Variants in RHBDD3 observed in about 807,000 individuals in gnomAD.
RHBDD3 encodes the protein rhomboid domain-containing protein 3.
In RHBDD3, 34 loss-of-function variants were observed where a neutral mutation model predicts 32.3. The ratio of observed to expected loss-of-function variants is 1.05; its 90% CI spans 0.80 to 1.40. The LOEUF is 1.40. RHBDD3 is among the 40% of genes most tolerant of loss of function. The probability of loss-of-function intolerance (pLI) is 0.00; values close to 1 mark genes in which losing one functional copy is unlikely to be tolerated. For missense variants in RHBDD3, 482 were observed against 492.6 expected, an observed-to-expected ratio of 0.98 and a Z score of 0.20; for synonymous variants, 249 against 239.1, an observed-to-expected ratio of 1.04 and a Z score of -0.38.
rs1163790639 is a variant in RHBDD3, at chr22:29,260,418, C to T, written c.891G>A (p.Leu297=). 1.9e-6 allele frequency: 3 copies of T among 1,612,240 alleles called. No homozygotes were observed. The highest frequency in any genetic ancestry group is 2.7e-5 in the African/African-American group (2 of 74,930). The change falls in exon 6 of 7, where the codon CTG becomes CTA. Residue 297 remains leucine, a synonymous_variant. Coordinates refer to ENST00000216085, the MANE Select transcript of RHBDD3 (RefSeq NM_012265.3). Reference sequence around the variant, plus strand: ...GAAGCGAGGCCTGGATGCCCTCCTGCAGCATCTGCTCATCCAAGGCCGCCC... The same window carrying T: ...GAAGCGAGGCCTGGATGCCCTCCTGTAGCATCTGCTCATCCAAGGCCGCCC... ...PMWAALDEQM[L]QEGIQASLLD... is the part of the protein sequence containing the mutation.
chr22:29,268,150 A>C (rs1267215342), upstream of RHBDD3: 9 of 690,398 alleles, frequency 1.3e-5, no homozygotes, highest in Middle Eastern at 3.8e-4. Context: ...CTCTTTAGAG[A>C]GGACTGGGAC....
chr22:29,267,414 G>C lies in RHBDD3; in HGVS notation c.-43+12C>G, dbSNP rs574938224. ...TATGAAACGGGGCAGTGCACCACCA[G>C]GCCCTGCCTACCTTACTGGGAAGCC... On this transcript the variant is annotated intron_variant, in intron 2 of 6. Coordinates refer to ENST00000216085, the MANE Select transcript of RHBDD3 (RefSeq NM_012265.3). 1 of 152,864 alleles carries C rather than the reference G, an allele frequency of 6.5e-6. No homozygotes were observed. Among genetic ancestry groups the C allele is most frequent in the Non-Finnish European group, 1.5e-5 (1 of 68,214 alleles). The allele number at this position is 152,864 out of a possible 1,614,324, so 9.5% of individuals were successfully genotyped here. A position where few individuals can be genotyped will look rare whatever the true frequency, so the allele number is the denominator to read the frequency against.
chr22:29,266,563 G>A (rs1446351002), intron 2 of RHBDD3, among the ~76,000 whole-genome samples: 6 of 152,186 alleles, frequency 3.9e-5, no homozygotes, highest in Non-Finnish European at 8.8e-5. Context: ...CAATATGGAG[G>A]TGGCTGCTCC....
At chr22:29,263,700 GAGA>G in intron 4 of RHBDD3, 132 bp downstream of exon 4, 1 of 1,399,560 alleles carries the variant, frequency 7.1e-7, no homozygotes, top group East Asian at 2.6e-5. Flanking sequence ...GGAAGACTCA[GAGA>G]AGCTCCTGGA....
At position 29,263,962 on chromosome 22, in the gene RHBDD3, G is replaced by A. The variant is rs118049515; in HGVS notation, c.405C>T (p.Arg135=). 361 of 1,550,800 alleles carry A rather than the reference G, an allele frequency of 2.3e-4. No individual in the cohort carries two copies. The highest frequency in any genetic ancestry group is 4.6e-4 in the East Asian group (19 of 41,032). The part of the protein sequence containing the change: ...HLAMLAGEGH[R]PRRPRGALPP... ...GCAGTGCCCCACGGGGCCGTCTAGG[G>A]CGGTGTCCCTCCCCAGCCAGCATGG... The change falls in exon 4 of 7, where the codon CGC becomes CGT. Residue 135 remains arginine, a synonymous_variant. Coordinates refer to ENST00000216085, the MANE Select transcript of RHBDD3 (RefSeq NM_012265.3).
rs1326309173 is a variant in RHBDD3 at position 29,260,775 on chromosome 22, A to G, written c.622T>C (p.Cys208Arg). 3.8e-6 allele frequency: 6 copies of G among 1,599,684 alleles called. No homozygotes were observed. The highest frequency in any genetic ancestry group is 5.1e-6 in the Non-Finnish European group (6 of 1,175,340). Residue 208 changes from cysteine to arginine, a missense_variant, in exon 5 of 7, where the codon TGC (cysteine) becomes CGC (arginine). Physicochemically the swap from Cys to Arg is radical, Grantham distance 180. Coordinates refer to ENST00000216085, the MANE Select transcript of RHBDD3 (RefSeq NM_012265.3). Reference protein sequence around the residue: ...EGVLCRTLAGCWPLRLLATPG... With the variant: ...EGVLCRTLAGRWPLRLLATPG... ...GTGGCAAGGAGCCTCAGGGGCCAGCACCCCGCCAAGGTCCTGCACAAGACG... is the reference window on the plus strand; with the variant it reads ...GTGGCAAGGAGCCTCAGGGGCCAGCGCCCCGCCAAGGTCCTGCACAAGACG...
At position 29,264,104 on chromosome 22, in the gene RHBDD3, C is replaced by A; in HGVS notation, c.263G>T (p.Arg88Ile). The change falls in exon 4 of 7, where the codon AGA becomes ATA. Residue 88 changes from arginine (R) to isoleucine (I), a missense_variant. Physicochemically the swap from Arg to Ile is moderately conservative, Grantham distance 97. Transcript: ENST00000216085. The stretch of plus-strand genomic sequence containing the variant: ...GAGCAGGGCTGAGGCATGCAGGAAT[C>A]TCAGCGTGCCCAGGTGGCACTCCTG... ...WQQECHLGTLRFLHASALLAL... is the reference protein window; with the variant it reads ...WQQECHLGTLIFLHASALLAL... 1.3e-6 allele frequency: 2 copies of A among 1,585,904 alleles called. No individual in the cohort carries two copies. The highest frequency in any genetic ancestry group is 1.7e-6 in the Non-Finnish European group (2 of 1,167,500).
chr22:29,260,931 C>G, intron 4 of RHBDD3, 67 bp from the exon 5 acceptor site: 1 of 1,422,378 alleles, frequency 7.0e-7, no homozygotes, highest in Non-Finnish European at 9.3e-7. Context: ...GCCCACGCCA[C>G]AGGCCAGGCC....
chr22:29,260,789 C>T lies in RHBDD3; in HGVS notation c.608G>A (p.Arg203Lys). 6.2e-7 allele frequency: 1 copy of T among 1,604,674 alleles called. No individual in the cohort carries two copies. The highest frequency in any genetic ancestry group is 8.5e-7 in the Non-Finnish European group (1 of 1,177,134). ...CAGGGGCCAGCACCCCGCCAAGGTCCTGCACAAGACGCCCTCCTGCAGCAC... is the reference window on the plus strand; with the variant it reads ...CAGGGGCCAGCACCCCGCCAAGGTCTTGCACAAGACGCCCTCCTGCAGCAC... ...LQVLQEGVLCRTLAGCWPLRL... is the reference protein window; with the variant it reads ...LQVLQEGVLCKTLAGCWPLRL... The change falls in exon 5 of 7, where the codon AGG becomes AAG. Residue 203 changes from arginine (R) to lysine (K), a missense_variant. Coordinates refer to ENST00000216085, the MANE Select transcript of RHBDD3 (RefSeq NM_012265.3).
At position 29,264,160 on chromosome 22, in the gene RHBDD3, G is replaced by A. The variant is rs539543331; in HGVS notation, c.207C>T (p.Ser69=). ...GHTALPGLLL[S]LLLLPTVGWQ... is the part of the protein sequence containing the mutation. Reference sequence around the variant, plus strand: ...AGCCCACAGTGGGCAGGAGCAGCAGGCTCAGGAGCAGGCCTGGCAGGGCCG... The same window carrying A: ...AGCCCACAGTGGGCAGGAGCAGCAGACTCAGGAGCAGGCCTGGCAGGGCCG... The change falls in exon 4 of 7, where the codon AGC becomes AGT. Residue 69 remains serine, a synonymous_variant. Coordinates refer to ENST00000216085, the MANE Select transcript of RHBDD3 (RefSeq NM_012265.3). The A allele has an allele frequency of 4.4e-4, 696 of 1,585,614 alleles. 3 individuals are homozygous for A. The South Asian group carries it at 5.9e-3, about 14-fold the overall frequency.
At chr22:29,261,210 C>T in intron 4 of RHBDD3, 1 of 533,878 alleles carries the variant, frequency 1.9e-6, no homozygotes, top group East Asian at 4.9e-5. Context: ...CTGCTATTGC[C>T]TTCAGACAGG....
At chr22:29,266,035 C>T (rs967344503) in intron 2 of RHBDD3, among the ~76,000 whole-genome samples, 1 of 152,226 alleles carries the variant, frequency 6.6e-6, no homozygotes, top group Non-Finnish European at 1.5e-5. Flanking sequence ...TTCCTCCCCT[C>T]CCCTGTTCCC....
In RHBDD3 at chr22:29,265,516, C is replaced by G. The variant is rs1265504578; in HGVS notation, c.111G>C (p.Leu37=). 14 of 1,562,212 alleles carry G rather than the reference C, an allele frequency of 9.0e-6. No individual in the cohort carries two copies. The highest frequency in any genetic ancestry group is 1.2e-5 in the Non-Finnish European group (14 of 1,161,048). Residue 37 remains leucine (L), a synonymous_variant, in exon 3 of 7, where the codon CTG becomes CTC. Transcript: ENST00000216085. ...TLWLVGAGPG[L]VLAPELLLDP... ...CCAGCAACAGCTCCGGGGCCAGGAC[C>G]AGGCCGGGGCCGGCCCCCACCAGCC... is the stretch of plus-strand genomic sequence containing the variant.
chr22:29,265,691 A>G, intron 2 of RHBDD3, 23 bp from the exon 3 acceptor site: 2 of 1,509,322 alleles, frequency 1.3e-6, no homozygotes, highest in Non-Finnish European at 1.8e-6. Context: ...GAAAACAATA[A>G]CAAGTTATTA....
At chr22:29,265,407 C>A in intron 3 of RHBDD3, 72 bp downstream of exon 3, 1 of 1,338,726 alleles carries the variant, frequency 7.5e-7, no homozygotes, top group Non-Finnish European at 9.9e-7. Flanking sequence ...CCTTGTGCTG[C>A]TCCTGCCAAG....
rs753652557 is a variant in RHBDD3 at position 29,260,135 on chromosome 22, T to C, written c.1086A>G (p.Gly362=). The part of the protein sequence containing the change: ...VEGAVSLLVG[G]QVGTETLVTH... Reference sequence around the variant, plus strand: ...TCACCAGGGTCTCAGTGCCCACTTGTCCTCCAACCAACAGTGACACGGCAC... The same window carrying C: ...TCACCAGGGTCTCAGTGCCCACTTGCCCTCCAACCAACAGTGACACGGCAC... Residue 362 remains glycine (G), a synonymous_variant, in exon 7 of 7, where the codon GGA becomes GGG. Transcript: ENST00000216085. The C allele has an allele frequency of 1.3e-5, 21 of 1,588,036 alleles. No homozygotes were observed. In the South Asian group the frequency reaches 2.4e-4, roughly 18 times the overall value.
chr22:29,264,457 G>A (rs1357628466), intron 3 of RHBDD3: 1 of 1,304,406 alleles, frequency 7.7e-7, no homozygotes, highest in Non-Finnish European at 9.7e-7. Flanking sequence ...GTGCCACTCA[G>A]TCTTTTCACT....
At chr22:29,261,292 G>A (rs557297701) in intron 4 of RHBDD3, 9 of 478,350 alleles carry the variant, frequency 1.9e-5, no homozygotes, top group South Asian at 1.5e-5. Context: ...TGTTTTCCCC[G>A]ATAGGTATGA....
Position 29,260,449 on chromosome 22 carries a change from G to A in RHBDD3, c.860C>T (p.Pro287Leu), listed in dbSNP as rs751207459. 50 of 1,610,414 alleles carry A rather than the reference G, an allele frequency of 3.1e-5. No individual in the cohort carries two copies. Among genetic ancestry groups the A allele is most frequent in the South Asian group, 8.8e-5 (8 of 90,560 alleles). The change falls in exon 6 of 7, where the codon CCG becomes CTG. Residue 287 changes from proline to leucine, a missense_variant. Transcript: ENST00000216085. Reference protein sequence around the residue: ...WAGASFSPGTPMWAALDEQML... With the variant: ...WAGASFSPGTLMWAALDEQML... ...CTGCTCATCCAAGGCCGCCCACATC[G>A]GAGTCCCTGGGGAGAAGCTGGCCCC...
Sources: allele counts gnomAD v4.1 joint callset (sites outside exome capture counted in the v4.1 genomes callset), GRCh38; gene constraint gnomAD v4.1.1; transcripts MANE v1.5; gene names NCBI Gene and HGNC (gene_info 2026-07-23, HGNC 2026-07-21).